Variants in MYO3B observed in about 807,000 individuals in gnomAD.
MYO3B encodes myosin IIIB.
In MYO3B, 156 loss-of-function variants were observed where a neutral mutation model predicts 174.6. That is an observed-to-expected ratio of 0.89 (90% CI 0.78 to 1.02). The LOEUF (loss-of-function observed/expected upper bound fraction) is 1.02. Among genes scored for constraint, MYO3B ranks in the 50% least tolerant of loss-of-function variants. The pLI, the probability that MYO3B is intolerant of heterozygous loss-of-function variation, is 0.00. For missense variants in MYO3B, 1,632 were observed against 1,639.4 expected (o/e 1.00, Z 0.08); for synonymous variants, 563 against 569.1 (o/e 0.99, Z 0.15).
intron 30 of MYO3B, among the ~76,000 whole-genome samples, chr2:170,532,124 T>C (rs941545313): frequency 1.3e-5 from 2 of 152,202 alleles, no homozygotes; most frequent in African/African-American, 4.8e-5. Context: ...CCTGTTATGA[T>C]GTATTGAGAA....
At chr2:170,416,814 T>C (rs2094582440) in intron 22 of MYO3B, among the ~76,000 whole-genome samples, 1 of 76,578 alleles carries the variant, frequency 1.3e-5, no homozygotes, top group South Asian at 7.9e-4. Flanking sequence ...TCTTTTTTTC[T>C]GTTGTTTTTT....
At chr2:170,585,426 A>G (rs1693440853) in intron 32 of MYO3B, among the ~76,000 whole-genome samples, 1 of 152,120 alleles carries the variant, frequency 6.6e-6, no homozygotes, top group African/African-American at 2.4e-5. Flanking sequence ...AGCTTCAGAC[A>G]GAAAAAAAAA....
chr2:170,407,244 G>A (rs947618195), intron 21 of MYO3B, among the ~76,000 whole-genome samples: 2 of 151,772 alleles, frequency 1.3e-5, no homozygotes, highest in East Asian at 1.9e-4. Flanking sequence ...GGTGGATCAC[G>A]AGGTCAGGAG....
intron 30 of MYO3B, among the ~76,000 whole-genome samples, chr2:170,530,338 T>G (rs1161169120): frequency 2.0e-5 from 3 of 152,074 alleles, no homozygotes; most frequent in Non-Finnish European, 4.4e-5. Context: ...CAGGTGGGAG[T>G]GGCCTTCCTC....
chr2:170,228,768 A>G (rs1267361075), intron 6 of MYO3B, among the ~76,000 whole-genome samples: 1 of 152,186 alleles, frequency 6.6e-6, no homozygotes, highest in Non-Finnish European at 1.5e-5. Flanking sequence ...GGGAAAAAAG[A>G]GACCCATAGA....
chr2:170,542,956 A>C lies in MYO3B; in HGVS notation c.3626A>C (p.His1209Pro). The C allele has an allele frequency of 1.2e-6, 2 of 1,609,876 alleles. No homozygotes were observed. The highest frequency in any genetic ancestry group is 1.7e-6 in the Non-Finnish European group (2 of 1,177,676). Residue 1209 changes from histidine (H) to proline (P), a missense_variant, in exon 31 of 35, where the codon CAT becomes CCT. Coordinates refer to ENST00000408978, the MANE Select transcript of MYO3B (RefSeq NM_138995.5). ...SPKGCDIFAGHANKHSVSGTD... is the reference protein window; with the variant it reads ...SPKGCDIFAGPANKHSVSGTD... ...AAAGGGTGCGATATCTTCGCAGGAC[A>C]TGCAAACAAGGTAGCTGGATATCTT...
intron 7 of MYO3B, among the ~76,000 whole-genome samples, chr2:170,279,651 G>A (rs1361135919): frequency 6.6e-6 from 1 of 151,956 alleles, no homozygotes; most frequent in African/African-American, 2.4e-5. Context: ...AGTGTCTGTT[G>A]TTTTATTCTT....
At chr2:170,218,643 CTGTT>C (rs1289651454) in intron 6 of MYO3B, among the ~76,000 whole-genome samples, 2 of 152,192 alleles carry the variant, frequency 1.3e-5, no homozygotes, top group Non-Finnish European at 1.5e-5. Flanking sequence ...CTAGCATAAT[CTGTT>C]TGTTCAAACA....
rs117606578 is a variant in MYO3B, at chr2:170,324,644, C to T, written c.750-10741C>T. 9.2e-5 allele frequency among the ~76,000 whole-genome samples: 14 copies of T among 152,298 alleles called. No individual in the cohort carries two copies. In the East Asian group the frequency reaches 1.7e-3, roughly 19 times the overall value. Reference sequence around the variant, plus strand: ...CTCTGTTTTCTAATTCACTTCGTTCCTGCACTTTTCAGCGCTGAATCTACC... The same window carrying T: ...CTCTGTTTTCTAATTCACTTCGTTCTTGCACTTTTCAGCGCTGAATCTACC... On this transcript the variant is annotated intron_variant, in intron 7 of 34. Coordinates refer to ENST00000408978, the MANE Select transcript of MYO3B (RefSeq NM_138995.5).
At chr2:170,566,028 G>A (rs538843008) in intron 32 of MYO3B, among the ~76,000 whole-genome samples, 50 of 152,274 alleles carry the variant, frequency 3.3e-4, no homozygotes, top group African/African-American at 1.2e-3. Context: ...TGTTGCAAGA[G>A]TCTGGACTAT....
intron 29 of MYO3B, among the ~76,000 whole-genome samples, chr2:170,518,077 TAAC>T (rs1049431429): frequency 1.2e-4 from 18 of 152,180 alleles, no homozygotes; most frequent in Admixed American, 2.6e-4. Context: ...GTAGCAATAA[TAAC>T]AACAACAACA....
At chr2:170,619,812 TCTCAGCTCA>T (rs1695759072) in intron 32 of MYO3B, among the ~76,000 whole-genome samples, 1 of 134,408 alleles carries the variant, frequency 7.4e-6, no homozygotes, top group Non-Finnish European at 1.6e-5. Context: ...GGTGGGGTGA[TCTCAGCTCA>T]CTGCAACCTC....
intron 6 of MYO3B, among the ~76,000 whole-genome samples, chr2:170,229,585 A>G (rs1031518777): frequency 6.6e-6 from 1 of 152,236 alleles, no homozygotes; most frequent in African/African-American, 2.4e-5. Flanking sequence ...GACAGCAAAA[A>G]TACTATAATA....
At chr2:170,411,410 A>G (rs1207535823) in intron 22 of MYO3B, among the ~76,000 whole-genome samples, 1 of 152,248 alleles carries the variant, frequency 6.6e-6, no homozygotes, top group South Asian at 2.1e-4. Flanking sequence ...AAACCTGTAC[A>G]GTATGTTACT....
intron 8 of MYO3B, among the ~76,000 whole-genome samples, chr2:170,367,890 G>A (rs2094210632): frequency 6.6e-6 from 1 of 152,154 alleles, no homozygotes; most frequent in Non-Finnish European, 1.5e-5. Flanking sequence ...TTATAGTCCT[G>A]CAAGCAGCTG....
chr2:170,213,002 C>T (rs774577952), intron 3 of MYO3B, among the ~76,000 whole-genome samples: 4 of 152,206 alleles, frequency 2.6e-5, no homozygotes, highest in Non-Finnish European at 5.9e-5. Context: ...CAGTAAACTG[C>T]AAGATGCATA....
intron 11 of MYO3B, 24 bp downstream of exon 11, chr2:170,383,213 C>T (rs776706553): frequency 2.2e-6 from 3 of 1,367,426 alleles, no homozygotes; most frequent in East Asian, 2.3e-5. Flanking sequence ...TAAGAGCATA[C>T]TGCTCCTTAA....
intron 25 of MYO3B, among the ~76,000 whole-genome samples, chr2:170,479,453 T>A (rs1368906723): frequency 6.9e-6 from 1 of 145,900 alleles, no homozygotes; most frequent in Non-Finnish European, 1.5e-5. Flanking sequence ...AATATAGATT[T>A]TATATATATA....
At chr2:170,292,724 G>A (rs2093604084) in intron 7 of MYO3B, among the ~76,000 whole-genome samples, 1 of 152,120 alleles carries the variant, frequency 6.6e-6, no homozygotes, top group Admixed American at 6.5e-5. Flanking sequence ...GGAAGGCTGG[G>A]TAGGGGTTCA....
Sources: allele counts gnomAD v4.1 joint callset (sites outside exome capture counted in the v4.1 genomes callset), GRCh38; gene constraint gnomAD v4.1.1; transcripts MANE v1.5; gene names NCBI Gene and HGNC (gene_info 2026-07-23, HGNC 2026-07-21).